Variants in SUSD6 observed in about 807,000 individuals in gnomAD.
SUSD6 encodes the protein sushi domain-containing protein 6.
A neutral mutation model predicts 28.4 loss-of-function variants in SUSD6; 16 were observed. That is an observed-to-expected ratio of 0.56 (90% CI 0.38 to 0.86). The LOEUF is 0.86. Ranked by LOEUF, SUSD6 falls within the 40% of genes least tolerant of loss-of-function variation. SUSD6 has a pLI of 0.00. For missense variants in SUSD6, 341 were observed against 384.2 expected (o/e 0.89, Z 0.94); for synonymous variants, 147 against 159.6 (o/e 0.92, Z 0.59).
intron 4 of SUSD6, among the ~76,000 whole-genome samples, chr14:69,705,067 G>A (rs1166554923): frequency 1.3e-5 from 2 of 152,146 alleles, no homozygotes; most frequent in African/African-American, 2.4e-5. Flanking sequence ...TGTAATCTCA[G>A]CACTTAGGGA....
At chr14:69,657,892 C>T (rs1419784326) in intron 1 of SUSD6, among the ~76,000 whole-genome samples, 1 of 152,190 alleles carries the variant, frequency 6.6e-6, no homozygotes, top group Non-Finnish European at 1.5e-5. Context: ...GCAGCCCATT[C>T]TCCATGCCTC....
intron 1 of SUSD6, among the ~76,000 whole-genome samples, chr14:69,637,897 C>A (rs1043367000): frequency 3.3e-5 from 5 of 152,064 alleles, no homozygotes; most frequent in African/African-American, 1.2e-4. Context: ...CAGAGTCCAG[C>A]CCCCCTTCTC....
intron 2 of SUSD6, among the ~76,000 whole-genome samples, chr14:69,684,048 C>T (rs913640289): frequency 5.3e-5 from 8 of 152,202 alleles, no homozygotes; most frequent in Admixed American, 3.3e-4. Flanking sequence ...AGCTCTCAGG[C>T]ACCACCCTAA....
chr14:69,657,781 C>G (rs1885604890), intron 1 of SUSD6, among the ~76,000 whole-genome samples: 1 of 152,264 alleles, frequency 6.6e-6, no homozygotes, highest in African/African-American at 2.4e-5. Context: ...CTCTGATACA[C>G]ACACTCTTTC....
Position 69,670,276 on chromosome 14 carries a change from A to G in SUSD6, c.121+11563A>G, listed in dbSNP as rs531827075. 9.8e-5 allele frequency among the ~76,000 whole-genome samples: 15 copies of G among 152,302 alleles called. 1 individual carries two copies. The East Asian group carries it at 2.3e-3, about 24-fold the overall frequency. ...CAGGAACTGTGCTCTGCACTGGAGG[A>G]ATGCAGAGTTATGGTTTAGCACTCT... On this transcript the variant is annotated intron_variant, in intron 2 of 5. Transcript: ENST00000342745.
intron 1 of SUSD6, among the ~76,000 whole-genome samples, chr14:69,639,937 C>CACT (rs552632016): frequency 6.8e-6 from 1 of 146,440 alleles, no homozygotes; most frequent in Non-Finnish European, 1.5e-5. Context: ...GAAGAGAGTC[C>CACT]CTCTGGGGCA....
chr14:69,617,183 A>G (rs568506091), intron 1 of SUSD6: 7 of 152,220 alleles, frequency 4.6e-5, no homozygotes, highest in Admixed American at 2.0e-4. Context: ...TTATCCATTC[A>G]TCAGCTGATG....
chr14:69,645,380 A>AT (rs1038865652), intron 1 of SUSD6, among the ~76,000 whole-genome samples: 6 of 152,062 alleles, frequency 3.9e-5, no homozygotes, highest in African/African-American at 1.2e-4. Flanking sequence ...CCACTAGGCT[A>AT]TTTTTTTTCC....
At chr14:69,638,423 AGTGTGTGTGTGTGTGTGT>A (rs10637124) in intron 1 of SUSD6, among the ~76,000 whole-genome samples, 1 of 139,142 alleles carries the variant, frequency 7.2e-6, no homozygotes, top group Non-Finnish European at 1.5e-5. Flanking sequence ...TGGGGTGGGG[AGTGTGTGTGTGTGTGTGT>A]GTGTGTGTGT....
chr14:69,627,585 C>T (rs922277510), intron 1 of SUSD6, among the ~76,000 whole-genome samples: 6 of 152,210 alleles, frequency 3.9e-5, no homozygotes, highest in African/African-American at 1.4e-4. Context: ...CTGCCACAGC[C>T]TCCTGAGTAG....
chr14:69,668,745 A>G (rs944713563), intron 2 of SUSD6, among the ~76,000 whole-genome samples: 3 of 152,044 alleles, frequency 2.0e-5, no homozygotes, highest in African/African-American at 4.8e-5. Flanking sequence ...TGTTTGGATC[A>G]TGGGAGCAGA....
intron 2 of SUSD6, among the ~76,000 whole-genome samples, chr14:69,675,127 A>G (rs530438611): frequency 1.3e-5 from 2 of 151,522 alleles, no homozygotes; most frequent in South Asian, 4.2e-4. Flanking sequence ...AGATGGTTTT[A>G]ATGACTGGCT....
intron 1 of SUSD6, among the ~76,000 whole-genome samples, 177 bp from the exon 2 acceptor site, chr14:69,658,336 C>G (rs1473896127): frequency 6.6e-6 from 1 of 152,056 alleles, no homozygotes; most frequent in Non-Finnish European, 1.5e-5. Flanking sequence ...GGCCTTGTTT[C>G]CCCAGGGAGG....
At chr14:69,688,085 C>T (rs1441415695) in intron 2 of SUSD6, among the ~76,000 whole-genome samples, 1 of 152,086 alleles carries the variant, frequency 6.6e-6, no homozygotes, top group Non-Finnish European at 1.5e-5. Flanking sequence ...TGTGGTAGAG[C>T]CAGACTCCTC....
Position 69,709,016 on chromosome 14 carries a change from C to T in SUSD6, c.798C>T (p.Asn266=). Residue 266 remains asparagine (N), a synonymous_variant, in exon 5 of 6, where the codon AAC becomes AAT. Coordinates refer to ENST00000342745, the MANE Select transcript of SUSD6 (RefSeq NM_014734.4). The part of the protein sequence containing the change: ...TTSSWVAGSG[N]RQLAHKETAD... Reference sequence around the variant, plus strand: ...CTTCCTGGGTGGCCGGCTCAGGGAACCGCCAACTGGCACACAAAGAAACTG... The same window carrying T: ...CTTCCTGGGTGGCCGGCTCAGGGAATCGCCAACTGGCACACAAAGAAACTG... The T allele has an allele frequency of 6.2e-7, 1 of 1,614,046 alleles. No homozygotes were observed. Among genetic ancestry groups the T allele is most frequent in the Non-Finnish European group, 8.5e-7 (1 of 1,180,034 alleles).
At chr14:69,678,657 G>T (rs558996078) in intron 2 of SUSD6, among the ~76,000 whole-genome samples, 1 of 152,164 alleles carries the variant, frequency 6.6e-6, no homozygotes, top group Non-Finnish European at 1.5e-5. Context: ...ACAAAAATTA[G>T]CCAGGTGTGG....
chr14:69,618,404 A>G (rs894602111), intron 1 of SUSD6, among the ~76,000 whole-genome samples: 2 of 152,264 alleles, frequency 1.3e-5, no homozygotes, highest in African/African-American at 4.8e-5. Flanking sequence ...CTCAGCCTGT[A>G]CTAGCACTTG....
chr14:69,707,780 T>A (rs534421558), intron 4 of SUSD6, among the ~76,000 whole-genome samples: 47 of 152,182 alleles, frequency 3.1e-4, no homozygotes, highest in African/African-American at 1.1e-3. Context: ...TAAAAAAAAA[T>A]ATATGCAAAA....
chr14:69,654,137 A>C (rs1243471692), intron 1 of SUSD6, among the ~76,000 whole-genome samples: 1 of 152,212 alleles, frequency 6.6e-6, no homozygotes, highest in African/African-American at 2.4e-5. Context: ...GGAGCCAGCT[A>C]TTCCTGCAAA....
Sources: allele counts gnomAD v4.1 joint callset (sites outside exome capture counted in the v4.1 genomes callset), GRCh38; gene constraint gnomAD v4.1.1; transcripts MANE v1.5; gene names NCBI Gene and HGNC (gene_info 2026-07-23, HGNC 2026-07-21).